The following UVSSA variants were observed in gnomAD, a reference collection of about 807,000 sequenced individuals.
UVSSA encodes the protein UV stimulated scaffold protein A, also known as UV-stimulated scaffold protein A.
A neutral mutation model predicts 73.9 loss-of-function variants in UVSSA; 72 were observed. That is an observed-to-expected ratio of 0.97 (90% CI 0.81 to 1.19). UVSSA has a LOEUF of 1.19. Ranked by LOEUF, UVSSA falls within the 50% of genes most tolerant of loss-of-function variation. The pLI is 0.00. For missense variants in UVSSA, 1,150 were observed against 965.0 expected, an observed-to-expected ratio of 1.19 and a Z score of -2.54; for synonymous variants, 454 against 391.3, an observed-to-expected ratio of 1.16 and a Z score of -1.89.
chr4:1,394,430 T>G, exon 14 of UVSSA: 7 of 1,597,138 alleles, frequency 4.4e-6, no homozygotes, highest in Non-Finnish European at 6.0e-6. Context: ...ATTGATCTAC[T>G]TCTAGTTTTT....
upstream of UVSSA, among the ~76,000 whole-genome samples, chr4:1,344,871 G>T (rs78882136): frequency 0.015 from 2,310 of 152,274 alleles, 68 homozygotes; most frequent in African/African-American, 0.051. Context: ...ATGAGCAGTG[G>T]CTGGAAGGAG....
rs1329305272 is a variant in UVSSA at position 1,387,848 on chromosome 4, T to A, written c.*1887T>A. On this transcript the variant is annotated 3_prime_UTR_variant, in exon 14 of 14. Coordinates refer to ENST00000389851, the MANE Select transcript of UVSSA (RefSeq NM_020894.4). ...TGCCTTGATCAGTGCTGCTTTGTTG[T>A]GAGAAGTTTTACTTTGTTCTGCTTC... is the stretch of plus-strand genomic sequence containing the variant. The A allele has an allele frequency of 6.6e-6, 1 of 152,140 alleles. No individual in the cohort carries two copies. The highest frequency in any genetic ancestry group is 1.5e-5 in the Non-Finnish European group (1 of 68,028). 9.4% of individuals were successfully genotyped at this position (152,140 alleles called of 1,614,324 possible).
chr4:1,390,722 C>T (rs916987759), downstream of UVSSA: 13 of 152,288 alleles, frequency 8.5e-5, no homozygotes, highest in African/African-American at 3.1e-4. Context: ...ATCTATCCTG[C>T]TCTTGTTGGG....
At chr4:1,353,551 G>C in intron 5 of UVSSA, 138 bp downstream of exon 5, 1 of 1,229,908 alleles carries the variant, frequency 8.1e-7, no homozygotes, top group Non-Finnish European at 1.1e-6. Context: ...TCACCACCAG[G>C]TTTTTCCTTT....
At position 1,353,020 on chromosome 4, in the gene UVSSA, C is replaced by A. The variant is rs1451867549; in HGVS notation, c.551-10C>A. 2 of 1,601,042 alleles carry A rather than the reference C, an allele frequency of 1.2e-6. No individual in the cohort carries two copies. Among genetic ancestry groups the A allele is most frequent in the Non-Finnish European group, 1.7e-6 (2 of 1,173,332 alleles). ...TAGCGCAGCAAACAGGTGTCTTGAT[C>A]TTCCGGCAGAAATGTCTGGAGAAAT... On this transcript the variant is annotated splice_polypyrimidine_tract_variant and intron_variant, in intron 4 of 13. Coordinates refer to ENST00000389851, the MANE Select transcript of UVSSA (RefSeq NM_020894.4).
chr4:1,377,109 G>A (rs1718871882), intron 10 of UVSSA, among the ~76,000 whole-genome samples: 1 of 152,192 alleles, frequency 6.6e-6, no homozygotes. Context: ...CCGTGTGAGG[G>A]GCTGATGTCA....
chr4:1,344,046 T>A (rs1478898386), upstream of UVSSA, among the ~76,000 whole-genome samples: 1 of 152,140 alleles, frequency 6.6e-6, no homozygotes, highest in Non-Finnish European at 1.5e-5. Context: ...CTGGCTTTTT[T>A]TTTTGGGTGG....
chr4:1,353,421 C>A lies in UVSSA; in HGVS notation c.934+8C>A. The A allele has an allele frequency of 6.7e-7, 1 of 1,489,006 alleles. No homozygotes were observed. Among genetic ancestry groups the A allele is most frequent in the East Asian group, 2.5e-5 (1 of 40,688 alleles). The allele number at this position is 1,489,006 out of a possible 1,614,324, so 92.2% of individuals were successfully genotyped here. On this transcript the variant is annotated splice_region_variant and intron_variant, in intron 5 of 13. Transcript: ENST00000389851. ...ATGTGGAGCTCTGCTCAGGTAACTG[C>A]CTTCGCGGGGTCTCTGTGGCGCCAC...
intron 3 of UVSSA, among the ~76,000 whole-genome samples, chr4:1,350,851 T>C (rs1714608153): frequency 6.6e-6 from 1 of 152,228 alleles, no homozygotes. Flanking sequence ...TTAGGCCTAC[T>C]TGAGCTTTAT....
chr4:1,354,679 G>T (rs1715381573), intron 5 of UVSSA, 56 bp from the exon 6 acceptor site: 1 of 1,516,758 alleles, frequency 6.6e-7, no homozygotes, highest in Non-Finnish European at 9.1e-7. Flanking sequence ...CCTCTCCGGG[G>T]CCTGTGGGAG....
rs772424340 is a variant in UVSSA, at chr4:1,366,416, T to C, written c.1273T>C (p.Leu425=). ...GTATGAGCCACACATCCCCGACCAC[T>C]TGCGGCCTGAGTATGGTGAGCAGTG... is the stretch of plus-strand genomic sequence containing the variant. The part of the protein sequence containing the change: ...EGYEPHIPDH[L]RPEYGLEAAP... The change falls in exon 8 of 14, where the codon TTG becomes CTG. Residue 425 remains leucine (L), a synonymous_variant. Transcript: ENST00000389851. 6.2e-7 allele frequency: 1 copy of C among 1,611,346 alleles called. No homozygotes were observed. The highest frequency in any genetic ancestry group is 1.1e-5 in the South Asian group (1 of 90,738).
chr4:1,349,324 A>G (rs1226908905), intron 2 of UVSSA, among the ~76,000 whole-genome samples, 200 bp from the exon 3 acceptor site: 1 of 152,260 alleles, frequency 6.6e-6, no homozygotes, highest in Non-Finnish European at 1.5e-5. Flanking sequence ...TGGGCCACAC[A>G]GAAACAGGCA....
At chr4:1,394,182 C>A in exon 14 of UVSSA, 2 of 472,032 alleles carry the variant, frequency 4.2e-6, no homozygotes, top group Non-Finnish European at 7.6e-6. Flanking sequence ...AGCTCTGTGC[C>A]TGTGTGGGCA....
At chr4:1,379,066 C>G (rs1376375016) in intron 10 of UVSSA, among the ~76,000 whole-genome samples, 3 of 150,844 alleles carry the variant, frequency 2.0e-5, no homozygotes, top group Admixed American at 6.6e-5. Context: ...GTCTGTGGAC[C>G]TGGGGTGAGG....
chr4:1,374,086 G>A (rs1283965399), intron 8 of UVSSA, among the ~76,000 whole-genome samples: 3 of 152,084 alleles, frequency 2.0e-5, no homozygotes, highest in East Asian at 1.9e-4. Context: ...CGTGGATTCC[G>A]CCGGGGCCAG....
Position 1,395,203 on chromosome 4 carries a change from C to T in UVSSA, c.*9242C>T, listed in dbSNP as rs778808129. The T allele has an allele frequency of 6.8e-7, 1 of 1,462,266 alleles. No individual in the cohort carries two copies. The highest frequency in any genetic ancestry group is 1.3e-5 in the South Asian group (1 of 78,676). The allele number at this position is 1,462,266 out of a possible 1,614,324, so 90.6% of individuals were successfully genotyped here. On this transcript the variant is annotated 3_prime_UTR_variant, in exon 14 of 14. Transcript: ENST00000511216. ...CGTGCCGATGCGGAGTGCCCGCCTG[C>T]TCACACGTGCCGATGCGGAGTGCCC... is the stretch of plus-strand genomic sequence containing the variant.
intron 7 of UVSSA, 126 bp downstream of exon 7, chr4:1,355,371 G>A: frequency 2.1e-6 from 2 of 943,228 alleles, no homozygotes; most frequent in Non-Finnish European, 3.1e-6. Context: ...AGCCCACTCA[G>A]CCTCAGCAGG....
In UVSSA at chr4:1,383,679, G is replaced by A. The variant is rs549612906; in HGVS notation, c.1862-87G>A. On this transcript the variant is annotated intron_variant, in intron 12 of 13. Transcript: ENST00000389851. ...GGCGACCCAGCCCCCCTGTCAGGAC[G>A]AGACCAAGAGCCCCTCCTGGGGGCC... 38 of 1,552,562 alleles carry A rather than the reference G, an allele frequency of 2.4e-5. No homozygotes were observed. In the South Asian group the frequency reaches 3.4e-4, roughly 14 times the overall value.
At chr4:1,351,417 G>T (rs192680426) in intron 3 of UVSSA, among the ~76,000 whole-genome samples, 1 of 140,154 alleles carries the variant, frequency 7.1e-6, no homozygotes, top group African/African-American at 2.7e-5. Flanking sequence ...ACAGAGTCTC[G>T]CTCTGTCGCC....
Sources: gnomAD v4.1 joint callset for allele counts (sites outside exome capture counted in the v4.1 genomes callset) on GRCh38, gnomAD v4.1.1 for gene constraint, MANE v1.5 for transcripts, NCBI Gene and HGNC (gene_info 2026-07-23, HGNC 2026-07-21) for gene names.